Variants in PDXDC1 observed in about 807,000 individuals in gnomAD.
PDXDC1 encodes the protein pyridoxal dependent decarboxylase domain containing 1.
PDXDC1 carries 42 observed loss-of-function variants against 100.1 expected under a neutral mutation model. That is an observed-to-expected ratio of 0.42 (90% CI 0.33 to 0.54). The LOEUF (loss-of-function observed/expected upper bound fraction) is 0.54. Among genes scored for constraint, PDXDC1 ranks in the 20% least tolerant of loss-of-function variants. The pLI, the probability that PDXDC1 is intolerant of heterozygous loss-of-function variation, is 0.10. For missense variants in PDXDC1, 636 were observed against 979.2 expected (o/e 0.65, Z 4.68); for synonymous variants, 260 against 371.7 (o/e 0.70, Z 3.46).
intron 16 of PDXDC1, among the ~76,000 whole-genome samples, chr16:15,053,255 G>T (rs1286719088): frequency 1.3e-5 from 2 of 152,206 alleles, no homozygotes; most frequent in Non-Finnish European, 2.9e-5. Flanking sequence ...TGGGGCCTGG[G>T]GCCAGTTTCC....
At chr16:14,994,455 T>C (rs552518888) in intron 1 of PDXDC1, among the ~76,000 whole-genome samples, 5 of 152,412 alleles carry the variant, frequency 3.3e-5, no homozygotes, top group East Asian at 3.8e-4. Context: ...GTTGTAGATA[T>C]GCGGCATTAT....
At chr16:14,990,429 G>A (rs556127624) in intron 1 of PDXDC1, among the ~76,000 whole-genome samples, 164 of 152,328 alleles carry the variant, frequency 1.1e-3, no homozygotes, top group Non-Finnish European at 1.7e-3. Context: ...CAGCTATTGA[G>A]GATAAGAAAT....
chr16:15,108,136 C>T (rs1447384491), intron 16 of PDXDC1: 2 of 807,224 alleles, frequency 2.5e-6, no homozygotes, highest in Non-Finnish European at 3.0e-6. Context: ...AAACCATCCA[C>T]CCTGGTGTTG....
intron 16 of PDXDC1, among the ~76,000 whole-genome samples, chr16:15,111,507 C>T (rs1297411137): frequency 6.8e-6 from 1 of 147,474 alleles, no homozygotes; most frequent in Non-Finnish European, 1.5e-5. Flanking sequence ...CGCCTGTAAT[C>T]CTAGCACTTT....
At chr16:15,047,126 A>G (rs2044104783) in intron 16 of PDXDC1, 3 of 379,366 alleles carry the variant, frequency 7.9e-6, no homozygotes, top group Non-Finnish European at 1.5e-5. Flanking sequence ...GAATGACTGC[A>G]TGGAGAGCTA....
chr16:15,075,119 G>A (rs1328593972), intron 16 of PDXDC1, among the ~76,000 whole-genome samples: 2 of 151,748 alleles, frequency 1.3e-5, no homozygotes, highest in Admixed American at 1.3e-4. Context: ...GTATGGTGGT[G>A]CACGCCTGTA....
Position 15,128,103 on chromosome 16 carries a change from T to C in PDXDC1, c.1400-10776T>C, listed in dbSNP as rs746166635. On this transcript the variant is annotated intron_variant, in intron 16 of 16. Transcript: ENST00000535621. ...TGTGCCGTCTGCAGGTCCCTGATGA[T>C]GACGTGCTGCAGGAACCAGGCAGGG... 8.7e-6 allele frequency: 14 copies of C among 1,608,276 alleles called. No homozygotes were observed. The Admixed American group carries it at 1.0e-4, about 11-fold the overall frequency.
intron 15 of PDXDC1, 74 bp downstream of exon 15, chr16:15,029,040 G>T (rs189695426): frequency 3.5e-3 from 5,304 of 1,508,230 alleles, no homozygotes; most frequent in Non-Finnish European, 3.1e-3. Flanking sequence ...TGAGGGTGAC[G>T]CGTGCTCGTG....
intron 8 of PDXDC1, among the ~76,000 whole-genome samples, chr16:15,010,629 T>C (rs1280025501): frequency 2.0e-5 from 3 of 152,268 alleles, no homozygotes; most frequent in Non-Finnish European, 4.4e-5. Flanking sequence ...TCATTCAGCA[T>C]CATACTTGAA....
chr16:15,060,544 T>C (rs2151750608), intron 16 of PDXDC1: 1 of 154,232 alleles, frequency 6.5e-6, no homozygotes, highest in African/African-American at 2.4e-5. Flanking sequence ...TGCTTAAAGA[T>C]GGCCATTTTC....
rs774670271 is a variant in PDXDC1, at chr16:15,128,034, C to A, written c.1400-10845C>A. On this transcript the variant is annotated intron_variant, in intron 16 of 16. Coordinates refer to the PDXDC1 transcript ENST00000535621. ...TTCTCCACCAGGCCCCCGTTGGCCT[C>A]CGTCTCCACCGAAAGCCAGTCATTG... 3.5e-5 allele frequency: 56 copies of A among 1,600,754 alleles called. No homozygotes were observed. The Middle Eastern group carries it at 1.8e-3, about 52-fold the overall frequency.
chr16:15,128,823 T>G (rs2151910484), intron 16 of PDXDC1, among the ~76,000 whole-genome samples: 1 of 150,418 alleles, frequency 6.6e-6, no homozygotes, highest in East Asian at 2.0e-4. Flanking sequence ...TTTTTTTTTT[T>G]GAGATGGAGT....
chr16:15,132,012 G>A (rs1394807618), intron 16 of PDXDC1, among the ~76,000 whole-genome samples: 1 of 7,538 alleles, frequency 1.3e-4, no homozygotes, highest in East Asian at 3.0e-3. Context: ...AGGGGAAGGG[G>A]GATAAGGGGA....
At chr16:15,104,360 A>T in intron 16 of PDXDC1, 1 of 1,597,912 alleles carries the variant, frequency 6.3e-7, no homozygotes, top group Non-Finnish European at 8.5e-7. Flanking sequence ...GTTTCTTCAG[A>T]TTATCATCCA....
chr16:14,992,063 T>G (rs1970970905), intron 1 of PDXDC1, among the ~76,000 whole-genome samples: 1 of 152,278 alleles, frequency 6.6e-6, no homozygotes, highest in Non-Finnish European at 1.5e-5. Flanking sequence ...GAGAGCACAT[T>G]TATACTGGAA....
At chr16:15,029,346 C>T (rs1342384011) in intron 15 of PDXDC1, 4 of 520,690 alleles carry the variant, frequency 7.7e-6, no homozygotes, top group Non-Finnish European at 6.6e-6. Flanking sequence ...ACTTTGATAG[C>T]GTTTTGGGCA....
downstream of PDXDC1, among the ~76,000 whole-genome samples, chr16:15,144,251 G>A (rs1472776803): frequency 1.8e-4 from 28 of 152,220 alleles, no homozygotes; most frequent in Non-Finnish European, 1.6e-4. Flanking sequence ...CTTCCTCGCT[G>A]GGCCAGCCGA....
chr16:15,130,899 T>C (rs937696578), intron 16 of PDXDC1: 14 of 717,698 alleles, frequency 2.0e-5, no homozygotes, highest in Middle Eastern at 7.3e-4. Context: ...TGAAAGGCCA[T>C]AGGAGCCTCT....
Position 15,007,160 on chromosome 16 carries a change from T to C in PDXDC1, c.579+577T>C, listed in dbSNP as rs75777351. On this transcript the variant is annotated intron_variant, in intron 6 of 22. Coordinates refer to ENST00000396410, the MANE Select transcript of PDXDC1 (RefSeq NM_015027.4). ...ATTGCTGGATCAAAGAGCATGACTTTTTTTTTTTTTTTTTTTTTTTTTTTT... is the reference window on the plus strand; with the variant it reads ...ATTGCTGGATCAAAGAGCATGACTTCTTTTTTTTTTTTTTTTTTTTTTTTT... 2.1e-3 allele frequency among the ~76,000 whole-genome samples: 81 copies of C among 39,256 alleles called. 2 individuals are homozygous for C. The East Asian group carries it at 0.028, about 14-fold the overall frequency. The allele number at this position is 39,256 out of a possible 152,430, so 25.8% of individuals were successfully genotyped here.
Sources: gnomAD v4.1 joint callset for allele counts (sites outside exome capture counted in the v4.1 genomes callset) on GRCh38, gnomAD v4.1.1 for gene constraint, MANE v1.5 for transcripts, NCBI Gene and HGNC (gene_info 2026-07-23, HGNC 2026-07-21) for gene names.